RBFOX1: variants seen among roughly 807,000 people sequenced by gnomAD.
The protein encoded by RBFOX1 is RNA binding fox-1 homolog 1, also known as RNA binding protein fox-1 homolog 1.
A neutral mutation model predicts 57.7 loss-of-function variants in RBFOX1; 8 were observed. That is an observed-to-expected ratio of 0.14 (90% CI 0.08 to 0.25). RBFOX1 has a LOEUF of 0.25. RBFOX1 is among the 10% of genes least tolerant of loss of function. The pLI is 1.00. For synonymous variants in RBFOX1, 326 were observed against 222.4 expected, an observed-to-expected ratio of 1.47 and a Z score of -4.15; for missense variants, 611 against 548.5, an observed-to-expected ratio of 1.11 and a Z score of -1.14.
chr16:7,075,430 A>C (rs1301578197), intron 4 of RBFOX1, among the ~76,000 whole-genome samples: 1 of 152,256 alleles, frequency 6.6e-6, no homozygotes, highest in Non-Finnish European at 1.5e-5. Context: ...AGGGGAAAGA[A>C]GGATAAAACA....
At chr16:6,712,659 C>G (rs913191558) in intron 3 of RBFOX1, among the ~76,000 whole-genome samples, 1 of 152,220 alleles carries the variant, frequency 6.6e-6, no homozygotes, top group African/African-American at 2.4e-5. Context: ...CGTAGGCACT[C>G]TGATAGGCAT....
At chr16:6,434,306 A>G (rs1180928910) in intron 2 of RBFOX1, among the ~76,000 whole-genome samples, 1 of 152,134 alleles carries the variant, frequency 6.6e-6, no homozygotes, top group Non-Finnish European at 1.5e-5. Context: ...GACGTCTTTG[A>G]GAAAGGCCTT....
chr16:6,997,048 G>C (rs1199043799), intron 3 of RBFOX1, among the ~76,000 whole-genome samples: 4 of 152,124 alleles, frequency 2.6e-5, no homozygotes, highest in Non-Finnish European at 5.9e-5. Context: ...GTATTTATAA[G>C]TACATTGTAG....
chr16:6,897,000 C>A (rs566326545), intron 3 of RBFOX1, among the ~76,000 whole-genome samples: 1 of 152,218 alleles, frequency 6.6e-6, no homozygotes, highest in Admixed American at 6.5e-5. Flanking sequence ...CTAACAGCAG[C>A]AGGGGACGCA....
chr16:7,281,996 G>C (rs1394180459), intron 4 of RBFOX1, among the ~76,000 whole-genome samples: 2 of 152,100 alleles, frequency 1.3e-5, no homozygotes, highest in Non-Finnish European at 2.9e-5. Flanking sequence ...GTCCGGAGTA[G>C]CTGGGACCAC....
At chr16:7,244,823 T>A (rs953006000) in intron 4 of RBFOX1, among the ~76,000 whole-genome samples, 4 of 152,172 alleles carry the variant, frequency 2.6e-5, no homozygotes, top group Admixed American at 2.0e-4. Flanking sequence ...TGGTTTTGTT[T>A]CCTTGTTCCC....
intron 14 of RBFOX1, among the ~76,000 whole-genome samples, chr16:7,692,804 T>G (rs992367404): frequency 6.6e-6 from 1 of 152,150 alleles, no homozygotes; most frequent in African/African-American, 2.4e-5. Flanking sequence ...TAGCTCTATG[T>G]AGCAAGCTGG....
At chr16:7,089,871 G>C (rs1406048323) in intron 4 of RBFOX1, among the ~76,000 whole-genome samples, 2 of 150,996 alleles carry the variant, frequency 1.3e-5, no homozygotes, top group East Asian at 4.0e-4. Context: ...CTGTGCTCAA[G>C]TATTCTGTTT....
chr16:6,868,050 A>G (rs2060240768), intron 3 of RBFOX1, among the ~76,000 whole-genome samples: 1 of 152,318 alleles, frequency 6.6e-6, no homozygotes, highest in Admixed American at 6.5e-5. Flanking sequence ...TATAGGTATT[A>G]TAGTAATGTT....
At chr16:6,846,922 A>AC (rs2093787450) in intron 3 of RBFOX1, among the ~76,000 whole-genome samples, 1 of 149,430 alleles carries the variant, frequency 6.7e-6, no homozygotes, top group African/African-American at 2.4e-5. Context: ...CTAGGAAACA[A>AC]AAAAAAAAAG....
At chr16:5,973,167 G>A (rs556740418) in intron 4 of RBFOX1, among the ~76,000 whole-genome samples, 11 of 152,278 alleles carry the variant, frequency 7.2e-5, no homozygotes, top group African/African-American at 2.6e-4. Context: ...TCTATATTTA[G>A]GAGTGGTGGA....
chr16:5,467,343 A>C, intron 2 of RBFOX1: 1 of 1,267,808 alleles, frequency 7.9e-7, no homozygotes, highest in Admixed American at 2.1e-5. Flanking sequence ...CAGCCCTGCA[A>C]CTTCACTGCC....
intron 2 of RBFOX1, among the ~76,000 whole-genome samples, chr16:6,523,350 T>C (rs76230453): frequency 0.051 from 7,779 of 152,032 alleles, 436 homozygotes; most frequent in African/African-American, 0.14. Flanking sequence ...GTTTAGATGG[T>C]TTGGTGTGGG....
chr16:5,984,976 A>ATATATATATATT (rs1359064334), intron 4 of RBFOX1, among the ~76,000 whole-genome samples: 4 of 55,704 alleles, frequency 7.2e-5, no homozygotes, highest in African/African-American at 3.5e-4. Flanking sequence ...ATATATATAT[A>ATATATATATATT]TTTTTTTTTT....
chr16:6,138,838 G>C (rs1005620710), intron 1 of RBFOX1, among the ~76,000 whole-genome samples: 1 of 152,176 alleles, frequency 6.6e-6, no homozygotes, highest in African/African-American at 2.4e-5. Context: ...CTGCACTCCA[G>C]CCTGGGCGAC....
chr16:6,131,216 G>T (rs191797570), intron 1 of RBFOX1, among the ~76,000 whole-genome samples: 70 of 152,340 alleles, frequency 4.6e-4, no homozygotes, highest in Admixed American at 7.8e-4. Context: ...TTTGATCGGA[G>T]TGTTAGTTAT....
chr16:6,117,148 T>C (rs555038993), intron 1 of RBFOX1, among the ~76,000 whole-genome samples: 1 of 152,258 alleles, frequency 6.6e-6, no homozygotes, highest in South Asian at 2.1e-4. Context: ...CATTCTTGGG[T>C]AAGCCAGACC....
chr16:5,960,064 G>A (rs192794732), intron 4 of RBFOX1, among the ~76,000 whole-genome samples: 14 of 152,248 alleles, frequency 9.2e-5, no homozygotes, highest in Admixed American at 5.9e-4. Context: ...AGCCGGGCAT[G>A]GTGACATGTG....
intron 1 of RBFOX1, among the ~76,000 whole-genome samples, chr16:5,434,562 C>A (rs2067857796): frequency 6.6e-6 from 1 of 151,882 alleles, no homozygotes; most frequent in South Asian, 2.1e-4. Flanking sequence ...AAGTGATCTG[C>A]CCGACACAGC....
Sources: allele counts gnomAD v4.1 joint callset (sites outside exome capture counted in the v4.1 genomes callset), GRCh38; gene constraint gnomAD v4.1.1; transcripts MANE v1.5; gene names NCBI Gene and HGNC (gene_info 2026-07-23, HGNC 2026-07-21).